Variants in RERE observed in about 807,000 individuals in gnomAD.
RERE encodes the protein arginine-glutamic acid dipeptide repeats protein.
In RERE, 40 loss-of-function variants were observed where a neutral mutation model predicts 146.1. That is an observed-to-expected ratio of 0.27 (90% CI 0.21 to 0.36). The LOEUF is 0.36. Ranked by LOEUF, RERE falls within the 10% of genes least tolerant of loss-of-function variation. The pLI, the probability that RERE is intolerant of heterozygous loss-of-function variation, is 1.00. For missense variants in RERE, 1,933 were observed against 2,138.7 expected (o/e 0.90, Z 1.90); for synonymous variants, 1,003 against 866.0 (o/e 1.16, Z -2.78).
At chr1:8,545,063 C>G (rs1296546944) in intron 6 of RERE, among the ~76,000 whole-genome samples, 1 of 152,186 alleles carries the variant, frequency 6.6e-6, no homozygotes, top group African/African-American at 2.4e-5. Flanking sequence ...ACCATGATCT[C>G]TGTCAAAAGT....
At chr1:8,433,326 A>G (rs1334546904) in intron 11 of RERE, among the ~76,000 whole-genome samples, 1 of 152,216 alleles carries the variant, frequency 6.6e-6, no homozygotes, top group Non-Finnish European at 1.5e-5. Flanking sequence ...ATTTCCAAAA[A>G]GACATCTTGT....
chr1:8,619,752 C>T (rs6685317), intron 3 of RERE, among the ~76,000 whole-genome samples: 1 of 152,166 alleles, frequency 6.6e-6, no homozygotes, highest in African/African-American at 2.4e-5. Flanking sequence ...CTTCTTAATG[C>T]CTGGGTTTCT....
intron 1 of RERE, among the ~76,000 whole-genome samples, chr1:8,702,531 T>G (rs911908480): frequency 5.3e-5 from 8 of 152,192 alleles, no homozygotes; most frequent in Non-Finnish European, 1.2e-4. Context: ...TTTTAGCTAC[T>G]CTGGCAAAAT....
intron 7 of RERE, among the ~76,000 whole-genome samples, chr1:8,517,021 G>A (rs1489640613): frequency 1.3e-5 from 2 of 152,148 alleles, no homozygotes; most frequent in African/African-American, 4.8e-5. Flanking sequence ...TCTCTTCATT[G>A]TTGTGGTGGT....
At chr1:8,616,156 C>T (rs1345288607) in intron 3 of RERE, among the ~76,000 whole-genome samples, 1 of 152,196 alleles carries the variant, frequency 6.6e-6, no homozygotes, top group East Asian at 1.9e-4. Context: ...TATGACTGCC[C>T]AAACCACTCA....
intron 10 of RERE, among the ~76,000 whole-genome samples, chr1:8,466,752 A>C (rs1460149240): frequency 6.6e-6 from 1 of 152,190 alleles, no homozygotes; most frequent in Non-Finnish European, 1.5e-5. Flanking sequence ...TCCCTTTAGG[A>C]CCAGACTTGT....
intron 1 of RERE, among the ~76,000 whole-genome samples, chr1:8,804,065 C>T (rs1641639027): frequency 6.6e-6 from 1 of 152,148 alleles, no homozygotes. Flanking sequence ...GATGTCTGCA[C>T]ATTTTTCCAG....
At position 8,655,986 on chromosome 1, in the gene RERE, G is replaced by C; in HGVS notation, c.312C>G (p.Val104=). The C allele has an allele frequency of 1.2e-6, 2 of 1,613,784 alleles. No homozygotes were observed. Among genetic ancestry groups the C allele is most frequent in the Non-Finnish European group, 1.7e-6 (2 of 1,179,852 alleles). ...ITSYITEDDV[V]YRPGDCVYIE... ...AAGGCTCCTTACCTCCTGGTCTGTA[G>C]ACCACATCATCTTCAGTGATGTAGG... is the stretch of plus-strand genomic sequence containing the variant. Residue 104 remains valine, a synonymous_variant, in exon 2 of 23, where the codon GTC becomes GTG. Coordinates refer to ENST00000400908, the MANE Select transcript of RERE (RefSeq NM_001042681.2).
chr1:8,660,301 TAAAG>T (rs1638425900), intron 1 of RERE, among the ~76,000 whole-genome samples: 1 of 152,166 alleles, frequency 6.6e-6, no homozygotes, highest in Non-Finnish European at 1.5e-5. Context: ...ATGTGACAGA[TAAAG>T]AAAGGGACCC....
At chr1:8,729,861 G>C (rs1569652911) in intron 1 of RERE, among the ~76,000 whole-genome samples, 1 of 152,172 alleles carries the variant, frequency 6.6e-6, no homozygotes, top group Non-Finnish European at 1.5e-5. Context: ...CCATATGATG[G>C]TTCACATCAG....
rs1332309849 is a variant in RERE, at chr1:8,353,505, C to CT, written c.*1581dup. The CT allele has an allele frequency of 1.3e-5, 2 of 152,272 alleles. No individual in the cohort carries two copies. Among genetic ancestry groups the CT allele is most frequent in the African/African-American group, 4.8e-5 (2 of 41,454 alleles). The allele number at this position is 152,272 out of a possible 1,614,324, so 9.4% of individuals were successfully genotyped here. A position where few individuals can be genotyped will look rare whatever the true frequency, so the allele number is the denominator to read the frequency against. On this transcript the variant is annotated 3_prime_UTR_variant, in exon 23 of 23. Transcript: ENST00000400908. The stretch of plus-strand genomic sequence containing the variant: ...CAATGGCAGAAGAGACCTCCAGTGT[C>CT]TGAGAGAAAAGGATCGGAAGAGGCC...
intron 4 of RERE, among the ~76,000 whole-genome samples, chr1:8,593,847 C>G (rs768149418): frequency 6.6e-5 from 10 of 152,148 alleles, no homozygotes; most frequent in Admixed American, 1.3e-4. Flanking sequence ...GGCTGTGGCT[C>G]CAGCCACCAT....
rs112397866 is a variant in RERE, at chr1:8,747,001, A to T, written c.-145+70159T>A. Among the ~76,000 whole-genome samples the T allele has an allele frequency of 3.6e-3, 544 of 151,058 alleles. 3 individuals are homozygous for T. Among genetic ancestry groups the T allele is most frequent in the African/African-American group, 0.013 (521 of 41,162 alleles). On this transcript the variant is annotated intron_variant, in intron 1 of 22. Transcript: ENST00000400908. ...AAGTCCCAAGCAGAAGAGGGACAGG[A>T]TCTGACTTAACTTTCTTTTTTGTTT... is the stretch of plus-strand genomic sequence containing the variant.
At chr1:8,495,810 A>G (rs1645037411) in intron 9 of RERE, among the ~76,000 whole-genome samples, 1 of 152,176 alleles carries the variant, frequency 6.6e-6, no homozygotes, top group Non-Finnish European at 1.5e-5. Flanking sequence ...AAAACATGTG[A>G]AATTAAGTCA....
In RERE at chr1:8,364,357, C is replaced by A; in HGVS notation, c.1541-102G>T. The A allele has an allele frequency of 1.0e-6, 1 of 992,724 alleles. No homozygotes were observed. The highest frequency in any genetic ancestry group is 2.4e-5 in the East Asian group (1 of 41,522). 61.5% of individuals were successfully genotyped at this position (992,724 alleles called of 1,614,324 possible). A position where few individuals can be genotyped will look rare whatever the true frequency, so the allele number is the denominator to read the frequency against. On this transcript the variant is annotated intron_variant, in intron 14 of 22. Coordinates refer to ENST00000400908, the MANE Select transcript of RERE (RefSeq NM_001042681.2). The surrounding 1 kb of genome is among the most constrained non-coding windows in gnomAD (Gnocchi z 5.1). ...CTGTGGGCTCTACCCAAACCTGATG[C>A]CACCAGCACCATGCAGCCCTGGGCC...
intron 3 of RERE, among the ~76,000 whole-genome samples, chr1:8,622,742 T>TA: frequency 6.7e-6 from 1 of 150,186 alleles, no homozygotes; most frequent in East Asian, 2.0e-4. Flanking sequence ...TGCAATAACT[T>TA]AAGCAATAAC....
intron 11 of RERE, among the ~76,000 whole-genome samples, chr1:8,454,987 C>CT (rs1436947665): frequency 1.3e-5 from 2 of 151,994 alleles, no homozygotes; most frequent in African/African-American, 2.4e-5. Context: ...GTTTTTCCTG[C>CT]TTCTGCCCAC....
intron 12 of RERE, among the ~76,000 whole-genome samples, chr1:8,370,518 T>A (rs1641996727): frequency 6.6e-6 from 1 of 152,160 alleles, no homozygotes. Flanking sequence ...TCAATAAAGC[T>A]GAAGAAAAAC....
intron 1 of RERE, chr1:8,805,768 A>C (rs1322651897): frequency 6.6e-6 from 1 of 151,300 alleles, no homozygotes; most frequent in Middle Eastern, 3.4e-3. Context: ...CAAAAGTTGC[A>C]GTGAGCCAAG....
Sources: allele counts gnomAD v4.1 joint callset (sites outside exome capture counted in the v4.1 genomes callset), GRCh38; gene constraint gnomAD v4.1.1; non-coding constraint Gnocchi (gnomAD v3.1); transcripts MANE v1.5; gene names NCBI Gene and HGNC (gene_info 2026-07-23, HGNC 2026-07-21).